NEGR1: variants seen among roughly 807,000 people sequenced by gnomAD.
NEGR1 encodes the protein neuronal growth regulator 1, also known as IgLON family member 4.
A neutral mutation model predicts 40.9 loss-of-function variants in NEGR1; 10 were observed. That is an observed-to-expected ratio of 0.24 (90% confidence interval 0.15 to 0.42). The LOEUF (loss-of-function observed/expected upper bound fraction) is 0.42, where lower values mean the gene tolerates loss of function less well. NEGR1 is among the 10% of genes least tolerant of loss of function. The pLI is 1.00. For missense variants in NEGR1, 352 were observed against 438.9 expected (o/e 0.80, Z 1.77); for synonymous variants, 185 against 166.8 (o/e 1.11, Z -0.84).
At chr1:72,098,601 TA>T (rs1442015614) in intron 1 of NEGR1, among the ~76,000 whole-genome samples, 4 of 152,120 alleles carry the variant, frequency 2.6e-5, no homozygotes, top group Non-Finnish European at 5.9e-5. Flanking sequence ...AGACCTACGT[TA>T]AAATCACCCA....
intron 2 of NEGR1, among the ~76,000 whole-genome samples, chr1:71,840,569 T>C (rs1416814684): frequency 6.6e-6 from 1 of 152,136 alleles, no homozygotes; most frequent in Admixed American, 6.6e-5. Flanking sequence ...TAATTTTTAT[T>C]TTAAAAATGT....
In NEGR1 at chr1:72,239,865, G is replaced by T. The variant is rs940817825; in HGVS notation, c.176+42454C>A. 7.2e-5 allele frequency among the ~76,000 whole-genome samples: 11 copies of T among 151,868 alleles called. 1 individual carries two copies. Among genetic ancestry groups the T allele is most frequent in the African/African-American group, 2.2e-4 (9 of 41,506 alleles). On this transcript the variant is annotated intron_variant, in intron 1 of 6. Coordinates refer to ENST00000357731, the MANE Select transcript of NEGR1 (RefSeq NM_173808.3). ...ATTGAAATGAAAATTGAACTCCGAT[G>T]ATTTTATTTAAAAATTGATTTTAAT... is the stretch of plus-strand genomic sequence containing the variant.
At chr1:72,010,530 T>C (rs1181440948) in intron 1 of NEGR1, among the ~76,000 whole-genome samples, 2 of 152,088 alleles carry the variant, frequency 1.3e-5, no homozygotes, top group African/African-American at 4.8e-5. Flanking sequence ...TTATGTGCAG[T>C]ATACAACTCT....
intron 1 of NEGR1, among the ~76,000 whole-genome samples, chr1:72,052,681 C>T (rs572474209): frequency 6.6e-6 from 1 of 151,410 alleles, no homozygotes; most frequent in East Asian, 1.9e-4. Flanking sequence ...TTAATTTGTA[C>T]AAATTTGATT....
At chr1:72,119,011 T>C (rs1046971000) in intron 1 of NEGR1, among the ~76,000 whole-genome samples, 3 of 151,774 alleles carry the variant, frequency 2.0e-5, no homozygotes, top group Non-Finnish European at 2.9e-5. Flanking sequence ...CCAGATAGAA[T>C]TGATTTTATT....
intron 1 of NEGR1, among the ~76,000 whole-genome samples, chr1:72,216,404 T>TATATATATAC (rs1653819673): frequency 7.6e-6 from 1 of 131,168 alleles, no homozygotes; most frequent in African/African-American, 3.2e-5. Flanking sequence ...TATATATACA[T>TATATATATAC]ATATATATAT....
At chr1:72,272,027 C>T (rs55834474) in intron 1 of NEGR1, among the ~76,000 whole-genome samples, 14,867 of 151,610 alleles carry the variant, frequency 0.098, 2,470 homozygotes, top group African/African-American at 0.34. Context: ...TATGTCTTTA[C>T]CAGCAGTATG....
At chr1:71,795,246 A>G (rs1657278911) in intron 2 of NEGR1, among the ~76,000 whole-genome samples, 1 of 151,986 alleles carries the variant, frequency 6.6e-6, no homozygotes, top group Non-Finnish European at 1.5e-5. Flanking sequence ...GAAATTGTAG[A>G]GATTTGAAAG....
chr1:71,440,577 A>G (rs1402085117), intron 6 of NEGR1, among the ~76,000 whole-genome samples: 3 of 152,212 alleles, frequency 2.0e-5, no homozygotes, highest in East Asian at 1.9e-4. Flanking sequence ...TCAGGAAAGG[A>G]TACTACTGAT....
intron 1 of NEGR1, among the ~76,000 whole-genome samples, chr1:72,000,315 TGTTTCCAC>T (rs1646546191): frequency 6.6e-6 from 1 of 152,120 alleles, no homozygotes; most frequent in African/African-American, 2.4e-5. Context: ...CATTTAATAC[TGTTTCCAC>T]ACAGTAGTAA....
intron 1 of NEGR1, among the ~76,000 whole-genome samples, chr1:71,996,681 G>A (rs1646507224): frequency 6.6e-6 from 1 of 151,936 alleles, no homozygotes; most frequent in South Asian, 2.1e-4. Flanking sequence ...TGCTTACCTG[G>A]GGAAATCTGT....
At chr1:71,769,433 C>T (rs1656241002) in intron 3 of NEGR1, among the ~76,000 whole-genome samples, 1 of 152,142 alleles carries the variant, frequency 6.6e-6, no homozygotes, top group Admixed American at 6.5e-5. Context: ...TGTGTCTTCA[C>T]TCAAATCTCA....
intron 6 of NEGR1, among the ~76,000 whole-genome samples, chr1:71,529,463 C>T (rs760729391): frequency 2.0e-5 from 3 of 151,118 alleles, no homozygotes; most frequent in Non-Finnish European, 4.5e-5. Flanking sequence ...GACAGACAGG[C>T]TACACAAAGC....
At chr1:72,183,078 C>T (rs1021928013) in intron 1 of NEGR1, among the ~76,000 whole-genome samples, 4 of 151,926 alleles carry the variant, frequency 2.6e-5, no homozygotes, top group African/African-American at 7.3e-5. Flanking sequence ...ATGGTAAGCC[C>T]CTCTCCTCCA....
intron 3 of NEGR1, among the ~76,000 whole-genome samples, chr1:71,704,038 C>A (rs1207459447): frequency 6.6e-6 from 1 of 151,768 alleles, no homozygotes; most frequent in Non-Finnish European, 1.5e-5. Flanking sequence ...AAGAGAAAAT[C>A]TAAAAAGGAG....
At chr1:71,604,887 T>C (rs952445366) in intron 5 of NEGR1, among the ~76,000 whole-genome samples, 1 of 152,200 alleles carries the variant, frequency 6.6e-6, no homozygotes, top group Admixed American at 6.5e-5. Context: ...GTTTGAAATA[T>C]GTTGCTTAAA....
intron 3 of NEGR1, among the ~76,000 whole-genome samples, chr1:71,728,481 C>G (rs1382400666): frequency 2.6e-5 from 4 of 152,156 alleles, no homozygotes; most frequent in Non-Finnish European, 5.9e-5. Flanking sequence ...AGACCACAGA[C>G]TTACCCCATT....
intron 6 of NEGR1, among the ~76,000 whole-genome samples, chr1:71,453,135 C>T (rs1646644940): frequency 6.6e-6 from 1 of 152,150 alleles, no homozygotes; most frequent in Admixed American, 6.5e-5. Flanking sequence ...AATGCAGTGA[C>T]AGTTGAAAAC....
At chr1:72,245,344 T>C (rs1456294273) in intron 1 of NEGR1, among the ~76,000 whole-genome samples, 1 of 152,060 alleles carries the variant, frequency 6.6e-6, no homozygotes, top group Non-Finnish European at 1.5e-5. Flanking sequence ...TAAAGAAATG[T>C]ATAGGTCCAA....
Sources: gnomAD v4.1 joint callset for allele counts (sites outside exome capture counted in the v4.1 genomes callset) on GRCh38, gnomAD v4.1.1 for gene constraint, MANE v1.5 for transcripts, NCBI Gene and HGNC (gene_info 2026-07-23, HGNC 2026-07-21) for gene names.